The following MMP2 variants were observed in gnomAD, a reference collection of about 807,000 sequenced individuals.
The protein encoded by MMP2 is 72 kDa type IV collagenase.
Under a neutral mutation model 74.8 loss-of-function variants are expected in MMP2, and 39 were observed. The ratio of observed to expected loss-of-function variants is 0.52; its 90% CI spans 0.40 to 0.68. MMP2 has a LOEUF of 0.68. MMP2 is among the 30% of genes least tolerant of loss of function. The pLI, the probability that MMP2 is intolerant of heterozygous loss-of-function variation, is 0.00. For missense variants in MMP2, 803 were observed against 878.3 expected (o/e 0.91, Z 1.08); for synonymous variants, 367 against 339.8 (o/e 1.08, Z -0.88).
At chr16:55,488,762 T>C (rs765045325) in intron 6 of MMP2, 46 bp downstream of exon 6, 22 of 1,543,420 alleles carry the variant, frequency 1.4e-5, no homozygotes, top group Non-Finnish European at 1.8e-5. Context: ...GCACCTGCTG[T>C]CTGACAAAAA....
At chr16:55,502,745 G>C (rs1567382976) in intron 11 of MMP2, 34 bp from the exon 12 acceptor site, 3 of 1,579,446 alleles carry the variant, frequency 1.9e-6, no homozygotes, top group Non-Finnish European at 2.6e-6. Flanking sequence ...CTTTAGAGAG[G>C]CCCTGCTGGT....
chr16:55,488,309 T>G, intron 5 of MMP2: 1 of 559,672 alleles, frequency 1.8e-6, no homozygotes, highest in East Asian at 3.1e-5. Flanking sequence ...GTCAATCATT[T>G]TGTTGTTGGG....
In MMP2 at chr16:55,485,724, C is replaced by G; in HGVS notation, c.779C>G (p.Ser260Cys). Residue 260 changes from serine to cysteine, a missense_variant, in exon 5 of 13, where the codon TCC becomes TGC. This residue lies in a region of MMP2 where 555 missense variants were observed against 592.0 expected (regional missense o/e 0.94). Transcript: ENST00000219070. ...CGCAGCGATGGCTTCCTCTGGTGCT[C>G]CACCACCTACAACTTTGAGAAGGAT... is the stretch of plus-strand genomic sequence containing the variant. ...TGRSDGFLWCSTTYNFEKDGK... is the reference protein window; with the variant it reads ...TGRSDGFLWCCTTYNFEKDGK... 1 of 1,614,152 alleles carries G rather than the reference C, an allele frequency of 6.2e-7. No homozygotes were observed. The highest frequency in any genetic ancestry group is 8.5e-7 in the Non-Finnish European group (1 of 1,180,030).
At chr16:55,492,345 G>A (rs1023468645) in intron 8 of MMP2, among the ~76,000 whole-genome samples, 6 of 152,036 alleles carry the variant, frequency 3.9e-5, no homozygotes, top group Non-Finnish European at 8.8e-5. Flanking sequence ...TTAACAATAC[G>A]GGGGTGGAAG....
At position 55,493,052 on chromosome 16, in the gene MMP2, G is replaced by A. The variant is rs375564116; in HGVS notation, c.1337-106G>A. ...GGAGCTTACACTAAGGCCAGAAGGC[G>A]ATTTCTTCTGACTCTTAGATGGTTG... On this transcript the variant is annotated intron_variant, in intron 8 of 12. Transcript: ENST00000219070. The A allele has an allele frequency of 2.1e-5, 30 of 1,406,912 alleles. 1 individual carries two copies. Among genetic ancestry groups the A allele is most frequent in the Middle Eastern group, 2.5e-4 (1 of 4,068 alleles). 87.2% of individuals were successfully genotyped at this position (1,406,912 alleles called of 1,614,324 possible).
intron 9 of MMP2, among the ~76,000 whole-genome samples, chr16:55,495,886 C>G (rs1331239361): frequency 3.3e-5 from 5 of 152,182 alleles, no homozygotes; most frequent in East Asian, 1.9e-4. Context: ...AGTTGGGGCT[C>G]TAATCCCTGC....
intron 7 of MMP2, among the ~76,000 whole-genome samples, chr16:55,490,110 G>A (rs1567377050): frequency 6.6e-6 from 1 of 152,114 alleles, no homozygotes; most frequent in African/African-American, 2.4e-5. Context: ...CCTTCCTGAG[G>A]GGTCACTGCT....
chr16:55,493,994 G>T (rs1962477013), intron 9 of MMP2, among the ~76,000 whole-genome samples: 1 of 152,160 alleles, frequency 6.6e-6, no homozygotes, highest in African/African-American at 2.4e-5. Flanking sequence ...GCAGTATCTA[G>T]GACCTCATTA....
At chr16:55,488,116 G>T in intron 5 of MMP2, 1 of 242,430 alleles carries the variant, frequency 4.1e-6, no homozygotes, top group African/African-American at 2.3e-5. Context: ...CTTTGTCCTA[G>T]CCTTGATTTC....
chr16:55,500,018 C>A (rs574280380), intron 11 of MMP2, among the ~76,000 whole-genome samples: 5 of 152,114 alleles, frequency 3.3e-5, no homozygotes, highest in Non-Finnish European at 5.9e-5. Context: ...CCCTCCTCCC[C>A]ACTACTCTGC....
At chr16:55,500,158 ACAGT>A (rs1192841259) in intron 11 of MMP2, among the ~76,000 whole-genome samples, 7 of 152,164 alleles carry the variant, frequency 4.6e-5, no homozygotes, top group African/African-American at 9.7e-5. Flanking sequence ...AAGAAAGAAA[ACAGT>A]CAGGCAGGAA....
At chr16:55,501,351 T>C (rs994297452) in intron 11 of MMP2, among the ~76,000 whole-genome samples, 1 of 152,214 alleles carries the variant, frequency 6.6e-6, no homozygotes, top group Non-Finnish European at 1.5e-5. Flanking sequence ...TTCTCTTATC[T>C]GAGACTCAGT....
At chr16:55,488,743 C>T (rs1486455852) in intron 6 of MMP2, 27 bp downstream of exon 6, 1 of 1,567,452 alleles carries the variant, frequency 6.4e-7, no homozygotes, top group South Asian at 1.2e-5. Flanking sequence ...CTCCCTCCCT[C>T]AGGGCCCAGC....
intron 4 of MMP2, 39 bp downstream of exon 4, chr16:55,485,466 C>T (rs1279112005): frequency 6.8e-6 from 11 of 1,613,866 alleles, no homozygotes; most frequent in Admixed American, 1.7e-5. Flanking sequence ...GACCTTCTCT[C>T]CTGTCCTCTC....
chr16:55,491,992 A>C, intron 8 of MMP2, 36 bp downstream of exon 8: 369 of 963,244 alleles, frequency 3.8e-4, no homozygotes, highest in Non-Finnish European at 5.1e-4. Flanking sequence ...GTGGAGGGTG[A>C]GGAGGGGGGA....
intron 8 of MMP2, 23 bp from the exon 9 acceptor site, chr16:55,493,133 GTC>G (rs1358679607): frequency 1.2e-6 from 2 of 1,612,642 alleles, no homozygotes; most frequent in South Asian, 2.2e-5. Flanking sequence ...GCTGCAGAGA[GTC>G]TAAGGTCAGG....
intron 12 of MMP2, among the ~76,000 whole-genome samples, chr16:55,503,242 ACCACCT>A (rs1282462348): frequency 6.6e-6 from 1 of 152,156 alleles, no homozygotes; most frequent in Non-Finnish European, 1.5e-5. Flanking sequence ...GAGGCCTGTG[ACCACCT>A]CCCATTAGCA....
At chr16:55,496,012 A>G (rs1290244627) in intron 9 of MMP2, among the ~76,000 whole-genome samples, 1 of 152,224 alleles carries the variant, frequency 6.6e-6, no homozygotes, top group South Asian at 2.1e-4. Context: ...TCATATGGCA[A>G]CTGCTGAATC....
intron 11 of MMP2, 80 bp from the exon 12 acceptor site, chr16:55,502,699 G>T: frequency 7.8e-7 from 1 of 1,276,342 alleles, no homozygotes; most frequent in Non-Finnish European, 1.1e-6. Context: ...GGAGCCATCA[G>T]CTGGGTGCTC....
Sources: allele counts gnomAD v4.1 joint callset (sites outside exome capture counted in the v4.1 genomes callset), GRCh38; gene constraint gnomAD v4.1.1; regional missense constraint gnomAD v4.1.1; transcripts MANE v1.5; gene names NCBI Gene and HGNC (gene_info 2026-07-23, HGNC 2026-07-21).